The following NVL variants were observed in gnomAD, a reference collection of about 807,000 sequenced individuals.
NVL encodes the protein nuclear VCP like, also known as nuclear valosin-containing protein-like.
A neutral mutation model predicts 110.2 loss-of-function variants in NVL; 84 were observed. The observed-to-expected ratio is 0.76, with a 90% CI of 0.64 to 0.91. The LOEUF (loss-of-function observed/expected upper bound fraction) is 0.91, where lower values mean the gene tolerates loss of function less well. NVL is among the 40% of genes least tolerant of loss of function. The pLI is 0.00. For missense variants in NVL, 882 were observed against 1,035.9 expected (o/e 0.85, Z 2.04); for synonymous variants, 354 against 361.1 (o/e 0.98, Z 0.22).
chr1:224,275,282 A>G lies in NVL; in HGVS notation c.2082+57T>C, dbSNP rs1558290561. ...TCATAAGAAATACCTGGCTTGGAAC[A>G]TAGAAAAGGTTTATTGTGCTAAAAG... On this transcript the variant is annotated intron_variant, in intron 17 of 22. Transcript: ENST00000281701. 8.7e-6 allele frequency: 14 copies of G among 1,601,856 alleles called. No individual in the cohort carries two copies. The South Asian group carries it at 1.2e-4, about 14-fold the overall frequency.
At chr1:224,247,815 A>G (rs1662029633) in intron 19 of NVL, among the ~76,000 whole-genome samples, 1 of 152,108 alleles carries the variant, frequency 6.6e-6, no homozygotes, top group Non-Finnish European at 1.5e-5. Flanking sequence ...CTGGCCTTGG[A>G]TAATTCTTTG....
At chr1:224,288,760 A>G (rs1362849754) in intron 13 of NVL, among the ~76,000 whole-genome samples, 1 of 152,222 alleles carries the variant, frequency 6.6e-6, no homozygotes, top group Non-Finnish European at 1.5e-5. Context: ...TGACATTTAT[A>G]TAAGGTTACA....
At chr1:224,324,984 G>T (rs375629518) in intron 2 of NVL, among the ~76,000 whole-genome samples, 13 of 152,178 alleles carry the variant, frequency 8.5e-5, no homozygotes, top group African/African-American at 2.9e-4. Context: ...TTCTTGGCCA[G>T]GTGCGGTGGC....
chr1:224,243,955 G>T (rs1296274506), intron 19 of NVL, among the ~76,000 whole-genome samples: 1 of 147,720 alleles, frequency 6.8e-6, no homozygotes, highest in African/African-American at 2.5e-5. Flanking sequence ...CACCACACCC[G>T]GCCTTGTCAC....
rs546332424 is a variant in NVL, at chr1:224,251,394, T to C, written c.2183-1076A>G. On this transcript the variant is annotated intron_variant, in intron 18 of 22. Coordinates refer to ENST00000281701, the MANE Select transcript of NVL (RefSeq NM_002533.4). Reference sequence around the variant, plus strand: ...GCTTCTGCTCATCAAAATACATCTCTTCGGCTATGCATGGTGGCAGATCAC... The same window carrying C: ...GCTTCTGCTCATCAAAATACATCTCCTCGGCTATGCATGGTGGCAGATCAC... Among the ~76,000 whole-genome samples, 73 of 152,144 alleles carry C rather than the reference T, an allele frequency of 4.8e-4. 1 individual carries two copies. The highest frequency in any genetic ancestry group is 3.4e-3 in the Middle Eastern group (1 of 294).
chr1:224,281,091 T>C, intron 16 of NVL, 32 bp downstream of exon 16: 2 of 1,571,048 alleles, frequency 1.3e-6, no homozygotes, highest in Non-Finnish European at 1.8e-6. Flanking sequence ...CTTTTTCTAA[T>C]CTAAAATAAT....
intron 19 of NVL, among the ~76,000 whole-genome samples, chr1:224,246,879 T>G (rs1376179320): frequency 1.3e-5 from 2 of 150,978 alleles, no homozygotes; most frequent in African/African-American, 4.9e-5. Flanking sequence ...CTACTAAAAA[T>G]ACAAAAAAAA....
intron 6 of NVL, chr1:224,305,464 G>T: frequency 4.3e-6 from 1 of 235,186 alleles, no homozygotes; most frequent in Non-Finnish European, 8.1e-6. Flanking sequence ...ATGGAAATTT[G>T]TGAAGCATCC....
At chr1:224,257,159 A>G (rs764150568) in intron 18 of NVL, 19 of 511,578 alleles carry the variant, frequency 3.7e-5, no homozygotes, top group African/African-American at 3.4e-4. Context: ...TATTTACAAT[A>G]AAAATGGCAC....
chr1:224,257,239 CTCCTT>C (rs763778876), intron 18 of NVL: 60 of 422,366 alleles, frequency 1.4e-4, no homozygotes, highest in Non-Finnish European at 2.7e-4. Flanking sequence ...AAAAAGAACC[CTCCTT>C]TCATCTGTTG....
At chr1:224,272,734 C>CA (rs1665260263) in intron 17 of NVL, among the ~76,000 whole-genome samples, 1 of 148,508 alleles carries the variant, frequency 6.7e-6, no homozygotes, top group Admixed American at 6.7e-5. Context: ...ACAAACAAAA[C>CA]AAAAAACAAA....
chr1:224,281,280 T>TATGC, intron 15 of NVL, 95 bp from the exon 16 acceptor site: 1 of 772,244 alleles, frequency 1.3e-6, no homozygotes, highest in Non-Finnish European at 2.1e-6. Flanking sequence ...AAGGACTCTG[T>TATGC]GTGCGTGTGT....
chr1:224,293,674 T>C (rs1381361009), intron 12 of NVL, among the ~76,000 whole-genome samples: 1 of 152,204 alleles, frequency 6.6e-6, no homozygotes, highest in East Asian at 1.9e-4. Flanking sequence ...GCTCCAGACA[T>C]TGCCACTAAC....
intron 10 of NVL, among the ~76,000 whole-genome samples, chr1:224,298,762 A>T (rs1668118316): frequency 6.6e-6 from 1 of 152,214 alleles, no homozygotes; most frequent in Non-Finnish European, 1.5e-5. Context: ...TTTCTTGCTG[A>T]AAGATGTGAG....
At chr1:224,285,174 C>T (rs1046576424) in intron 15 of NVL, among the ~76,000 whole-genome samples, 2 of 152,088 alleles carry the variant, frequency 1.3e-5, no homozygotes, top group African/African-American at 2.4e-5. Flanking sequence ...TGGTGGCTCA[C>T]GCCTGTAATC....
intron 12 of NVL, among the ~76,000 whole-genome samples, chr1:224,292,947 G>A (rs1002305291): frequency 6.6e-6 from 1 of 152,044 alleles, no homozygotes; most frequent in Non-Finnish European, 1.5e-5. Context: ...TAGAGATGGG[G>A]TTTCACCATG....
intron 16 of NVL, among the ~76,000 whole-genome samples, chr1:224,276,137 T>A (rs989306213): frequency 1.3e-5 from 2 of 152,228 alleles, no homozygotes; most frequent in South Asian, 2.1e-4. Flanking sequence ...GAAATTTTTC[T>A]TGTAAAATGT....
At chr1:224,285,890 T>G (rs1406215408) in intron 15 of NVL, 136 bp downstream of exon 15, 1 of 587,742 alleles carries the variant, frequency 1.7e-6, no homozygotes, top group Non-Finnish European at 2.9e-6. Flanking sequence ...ATGAAGAAAG[T>G]TGTCAGTTTT....
chr1:224,266,154 G>GA lies in NVL; in HGVS notation c.2182+1879dup, dbSNP rs748922411. ...CTTTAAAAAGGATGATCATATACTG[G>GA]AAAAAACTGGATCAATGTATTTCTT... is the stretch of plus-strand genomic sequence containing the variant. On this transcript the variant is annotated intron_variant, in intron 18 of 22. Coordinates refer to ENST00000281701, the MANE Select transcript of NVL (RefSeq NM_002533.4). Among the ~76,000 whole-genome samples the GA allele has an allele frequency of 7.2e-5, 11 of 152,150 alleles. 1 individual carries two copies. The highest frequency in any genetic ancestry group is 5.8e-4 in the East Asian group (3 of 5,182).
Sources: gnomAD v4.1 joint callset for allele counts (sites outside exome capture counted in the v4.1 genomes callset) on GRCh38, gnomAD v4.1.1 for gene constraint, MANE v1.5 for transcripts, NCBI Gene and HGNC (gene_info 2026-07-23, HGNC 2026-07-21) for gene names.